PLSCR4: variants seen among roughly 807,000 people sequenced by gnomAD.
PLSCR4 encodes Ca(2+)-dependent phospholipid scramblase 4.
Under a neutral mutation model 36.3 loss-of-function variants are expected in PLSCR4, and 25 were observed. The ratio of observed to expected loss-of-function variants is 0.69; its 90% CI spans 0.50 to 0.96. The LOEUF (loss-of-function observed/expected upper bound fraction) is 0.96, where lower values mean the gene tolerates loss of function less well. Ranked by LOEUF, PLSCR4 falls within the 40% of genes least tolerant of loss-of-function variation. The pLI is 0.00. For synonymous variants in PLSCR4, 122 were observed against 132.9 expected, an observed-to-expected ratio of 0.92 and a Z score of 0.56; for missense variants, 408 against 414.7, an observed-to-expected ratio of 0.98 and a Z score of 0.14.
intron 1 of PLSCR4, chr3:146,250,420 A>G (rs182150661): frequency 1.3e-5 from 2 of 152,174 alleles, no homozygotes; most frequent in Non-Finnish European, 2.9e-5. Flanking sequence ...TTAAATATGA[A>G]CGTTTTTAAA....
intron 6 of PLSCR4, among the ~76,000 whole-genome samples, chr3:146,198,447 C>T (rs1045356581): frequency 2.2e-4 from 34 of 152,074 alleles, no homozygotes; most frequent in African/African-American, 8.0e-4. Flanking sequence ...GTCACCCAGG[C>T]TGGAGTGAAG....
chr3:146,213,262 T>C (rs1001509981), intron 3 of PLSCR4, among the ~76,000 whole-genome samples: 6 of 152,122 alleles, frequency 3.9e-5, no homozygotes, highest in African/African-American at 1.4e-4. Context: ...GAATTCATTC[T>C]TCTTTCATTT....
At chr3:146,247,747 T>C (rs1196137493) in intron 1 of PLSCR4, among the ~76,000 whole-genome samples, 1 of 152,064 alleles carries the variant, frequency 6.6e-6, no homozygotes, top group East Asian at 1.9e-4. Context: ...CTCAGCCTCC[T>C]GAGCAGCTGG....
chr3:146,196,473 A>G (rs915062367), intron 7 of PLSCR4, 159 bp downstream of exon 7: 4 of 681,216 alleles, frequency 5.9e-6, no homozygotes, highest in African/African-American at 1.8e-5. Flanking sequence ...TCTACTCACA[A>G]TAACTTTAAA....
At position 146,201,078 on chromosome 3, in the gene PLSCR4, C is replaced by T. The variant is rs765484112; in HGVS notation, c.355-1G>A. On this transcript the variant is annotated splice_acceptor_variant, in intron 4 of 8. Transcript: ENST00000354952. LOFTEE classifies it high-confidence loss of function. ...GCTGAAGAACATGTATGTTGTCCAA[C>T]TGTTGGGATAAAACAAAGCAATCAG... The T allele has an allele frequency of 1.3e-6, 2 of 1,543,900 alleles. No individual in the cohort carries two copies. The highest frequency in any genetic ancestry group is 1.7e-6 in the Non-Finnish European group (2 of 1,152,558).
Position 146,221,336 on chromosome 3 carries a change from G to A in PLSCR4, c.8-411C>T, listed in dbSNP as rs537355504. ...TTCCTAATTATTTTTGGAAAGTGCT[G>A]TCTAAAAAGATTCACAACATAACAC... On this transcript the variant is annotated intron_variant, in intron 2 of 8. Transcript: ENST00000354952. 3.9e-4 allele frequency among the ~76,000 whole-genome samples: 60 copies of A among 152,190 alleles called. No individual in the cohort carries two copies. The South Asian group carries it at 0.012, about 31-fold the overall frequency.
intron 3 of PLSCR4, among the ~76,000 whole-genome samples, chr3:146,218,366 GATTA>G (rs987466385): frequency 6.6e-6 from 1 of 151,614 alleles, no homozygotes; most frequent in Non-Finnish European, 1.5e-5. Context: ...ATGAGTTAAT[GATTA>G]ATTTACCATG....
In PLSCR4 at chr3:146,220,983, T is replaced by C. The variant is rs2035112098; in HGVS notation, c.8-58A>G. ...AGGAAACAATAATATAATGACAAAA[T>C]GTATTCTTTTTCCTTTCTTATGGGA... On this transcript the variant is annotated intron_variant, in intron 2 of 8. Coordinates refer to ENST00000354952, the MANE Select transcript of PLSCR4 (RefSeq NM_020353.3). 3.9e-6 allele frequency: 4 copies of C among 1,029,906 alleles called. No individual in the cohort carries two copies. In the Admixed American group the frequency reaches 7.6e-5, roughly 20 times the overall value. 63.8% of individuals were successfully genotyped at this position (1,029,906 alleles called of 1,614,324 possible).
At chr3:146,224,608 C>T (rs1053487726) in intron 1 of PLSCR4, among the ~76,000 whole-genome samples, 1 of 151,946 alleles carries the variant, frequency 6.6e-6, no homozygotes, top group African/African-American at 2.4e-5. Flanking sequence ...CAGTGTGGAC[C>T]CAAACAGTGA....
At chr3:146,208,780 C>T (rs947579312) in intron 3 of PLSCR4, among the ~76,000 whole-genome samples, 10 of 151,924 alleles carry the variant, frequency 6.6e-5, no homozygotes, top group African/African-American at 1.9e-4. Context: ...TTGACATGTA[C>T]GGAGAACAGG....
intron 4 of PLSCR4, among the ~76,000 whole-genome samples, chr3:146,205,087 G>A (rs6808115): frequency 2.0e-5 from 3 of 151,784 alleles, no homozygotes; most frequent in East Asian, 1.9e-4. Flanking sequence ...GACAGAACTC[G>A]AGGAAATACT....
chr3:146,229,859 C>T lies in PLSCR4; in HGVS notation c.-21-7767G>A, dbSNP rs1288659217. Among the ~76,000 whole-genome samples, 15 of 152,140 alleles carry T rather than the reference C, an allele frequency of 9.9e-5. No homozygotes were observed. In the South Asian group the frequency reaches 2.9e-3, roughly 29 times the overall value. The stretch of plus-strand genomic sequence containing the variant: ...CAGGATGGTCTCGATCTCCTGACCT[C>T]GTGATCCACCCGCCTCAGCCTCCCA... On this transcript the variant is annotated intron_variant, in intron 1 of 8. Transcript: ENST00000354952.
chr3:146,247,898 G>C (rs527758613), intron 1 of PLSCR4, among the ~76,000 whole-genome samples: 1 of 152,098 alleles, frequency 6.6e-6, no homozygotes, highest in Non-Finnish European at 1.5e-5. Context: ...CTGTGATAAC[G>C]GGCGTGAGCT....
chr3:146,193,484 T>TG lies in PLSCR4; in HGVS notation c.*926dup, dbSNP rs1252703299. On this transcript the variant is annotated 3_prime_UTR_variant, in exon 9 of 9. Transcript: ENST00000354952. ...AAAAACAAAAAACAATGATCTCTTC[T>TG]GGGTATCACATCAAATGAGATACAA... 2 of 152,228 alleles carry TG rather than the reference T, an allele frequency of 1.3e-5. No homozygotes were observed. The highest frequency in any genetic ancestry group is 2.9e-5 in the Non-Finnish European group (2 of 68,056). The allele number at this position is 152,228 out of a possible 1,614,324, so 9.4% of individuals were successfully genotyped here. A position where few individuals can be genotyped will look rare whatever the true frequency, so the allele number is the denominator to read the frequency against.
intron 6 of PLSCR4, among the ~76,000 whole-genome samples, chr3:146,197,988 A>G (rs1444792916): frequency 3.9e-5 from 6 of 152,182 alleles, no homozygotes; most frequent in Admixed American, 6.5e-5. Context: ...ATACCATGGT[A>G]TACTACTCAG....
intron 6 of PLSCR4, 31 bp downstream of exon 6, chr3:146,199,782 C>A (rs766214888): frequency 2.6e-6 from 4 of 1,537,114 alleles, no homozygotes; most frequent in Non-Finnish European, 3.6e-6. Context: ...AGATCAGAAG[C>A]AAGCTGTGGA....
intron 1 of PLSCR4, among the ~76,000 whole-genome samples, chr3:146,226,732 T>TA (rs1245580460): frequency 6.6e-6 from 1 of 152,142 alleles, no homozygotes; most frequent in African/African-American, 2.4e-5. Flanking sequence ...TAAAGAAAAG[T>TA]AACAGTTCTC....
rs542677047 is a variant in PLSCR4 at position 146,201,004 on chromosome 3, T to C, written c.397+31A>G. 65 of 1,412,242 alleles carry C rather than the reference T, an allele frequency of 4.6e-5. No individual in the cohort carries two copies. The South Asian group carries it at 8.0e-4, about 17-fold the overall frequency. The allele number at this position is 1,412,242 out of a possible 1,614,324, so 87.5% of individuals were successfully genotyped here. ...AATGCAAATTTCCATCTGATTAAAA[T>C]ACTGCTGAGCACTACAAAAATTATA... is the stretch of plus-strand genomic sequence containing the variant. On this transcript the variant is annotated intron_variant, in intron 5 of 8. Coordinates refer to ENST00000354952, the MANE Select transcript of PLSCR4 (RefSeq NM_020353.3).
At chr3:146,233,355 G>A (rs2035795408) in intron 1 of PLSCR4, among the ~76,000 whole-genome samples, 1 of 151,938 alleles carries the variant, frequency 6.6e-6, no homozygotes, top group Non-Finnish European at 1.5e-5. Context: ...AGAAAAGGTA[G>A]GTAAAACAGT....
Sources: gnomAD v4.1 joint callset for allele counts (sites outside exome capture counted in the v4.1 genomes callset) on GRCh38, gnomAD v4.1.1 for gene constraint, MANE v1.5 for transcripts, NCBI Gene and HGNC (gene_info 2026-07-23, HGNC 2026-07-21) for gene names.